Variants in ANK3 observed in about 807,000 individuals in gnomAD.
ANK3 encodes the protein ankyrin-3.
In ANK3, 57 loss-of-function variants were observed where a neutral mutation model predicts 370.9. That is an observed-to-expected ratio of 0.15 (90% CI 0.12 to 0.19). The LOEUF (loss-of-function observed/expected upper bound fraction) is 0.19, where lower values mean the gene tolerates loss of function less well. Ranked by LOEUF, ANK3 falls within the 10% of genes least tolerant of loss-of-function variation. The probability of loss-of-function intolerance (pLI) is 1.00; values close to 1 mark genes in which losing one functional copy is unlikely to be tolerated. For synonymous variants in ANK3, 1,929 were observed against 1,946.3 expected, an observed-to-expected ratio of 0.99 and a Z score of 0.23; for missense variants, 4,439 against 5,302.1, an observed-to-expected ratio of 0.84 and a Z score of 5.06.
At chr10:60,405,319 ATTAATC>A (rs1466052782) in intron 2 of ANK3, among the ~76,000 whole-genome samples, 24 of 152,296 alleles carry the variant, frequency 1.6e-4, no homozygotes, top group Non-Finnish European at 1.3e-4. Context: ...TACTCATACA[ATTAATC>A]TTAAAGAAGG....
intron 2 of ANK3, among the ~76,000 whole-genome samples, chr10:60,424,932 T>C (rs761395795): frequency 6.6e-6 from 1 of 152,078 alleles, no homozygotes; most frequent in Non-Finnish European, 1.5e-5. Flanking sequence ...AAGGCATATA[T>C]GACCCCTAAA....
At chr10:60,555,470 C>T (rs964146315) in intron 2 of ANK3, among the ~76,000 whole-genome samples, 1 of 150,350 alleles carries the variant, frequency 6.7e-6, no homozygotes, top group Admixed American at 6.6e-5. Context: ...GGGACCCTGT[C>T]TCCAAAAATT....
At chr10:60,571,461 C>T (rs1371630920) in intron 2 of ANK3, among the ~76,000 whole-genome samples, 1 of 152,162 alleles carries the variant, frequency 6.6e-6, no homozygotes, top group African/African-American at 2.4e-5. Context: ...TATGTGTCCA[C>T]TGTCTGAGCA....
At chr10:60,317,695 T>C (rs1055234026) in intron 1 of ANK3, among the ~76,000 whole-genome samples, 13 of 150,240 alleles carry the variant, frequency 8.7e-5, no homozygotes, top group Non-Finnish European at 1.6e-4. Flanking sequence ...GCCCCAAACA[T>C]CAACTCATGA....
At chr10:60,158,773 T>G (rs1164904516) in intron 23 of ANK3, among the ~76,000 whole-genome samples, 1 of 146,806 alleles carries the variant, frequency 6.8e-6, no homozygotes, top group Non-Finnish European at 1.5e-5. Context: ...CCTTCCAGGT[T>G]CAAGCAATTC....
At chr10:60,466,715 A>C (rs1481720201) in intron 2 of ANK3, among the ~76,000 whole-genome samples, 1 of 152,202 alleles carries the variant, frequency 6.6e-6, no homozygotes, top group Non-Finnish European at 1.5e-5. Flanking sequence ...TCTCAATGGA[A>C]TATCACTCAG....
At chr10:60,495,573 G>T (rs533466443) in intron 2 of ANK3, among the ~76,000 whole-genome samples, 2 of 152,146 alleles carry the variant, frequency 1.3e-5, no homozygotes, top group African/African-American at 4.8e-5. Context: ...GTGCACAAGG[G>T]GGCTCCAGCA....
chr10:60,400,548 A>C (rs1383309251), intron 2 of ANK3, among the ~76,000 whole-genome samples: 1 of 152,196 alleles, frequency 6.6e-6, no homozygotes, highest in Non-Finnish European at 1.5e-5. Flanking sequence ...TCTTGGGGAT[A>C]AGCAGATCAT....
At chr10:60,534,096 C>A (rs1282961061) in intron 2 of ANK3, among the ~76,000 whole-genome samples, 1 of 152,040 alleles carries the variant, frequency 6.6e-6, no homozygotes, top group Admixed American at 6.6e-5. Context: ...TTAAGAGTCA[C>A]CGCTCCGATA....
rs1294997935 is a variant in ANK3 at position 60,074,520 on chromosome 10, CTTGGTCGTG to C, written c.6352_6360del (p.His2118_Gln2120del). ...CCACTGTCAGACAAGGGACTTTTAT[CTTGGTCGTG>C]TTGAGAAAAGTCATCAGGAGACTCT... On this transcript the variant is annotated inframe_deletion, in exon 37 of 44. Transcript: ENST00000280772. 1 of 1,613,676 alleles carries C rather than the reference CTTGGTCGTG, an allele frequency of 6.2e-7. No individual in the cohort carries two copies. Among genetic ancestry groups the C allele is most frequent in the South Asian group, 1.1e-5 (1 of 90,970 alleles).
intron 1 of ANK3, among the ~76,000 whole-genome samples, chr10:60,378,300 T>C (rs2061082240): frequency 6.6e-6 from 1 of 152,206 alleles, no homozygotes; most frequent in African/African-American, 2.4e-5. Flanking sequence ...AATTAGTCTG[T>C]TTTAAAGCCC....
intron 25 of ANK3, among the ~76,000 whole-genome samples, chr10:60,132,730 C>T (rs1440946239): frequency 7.2e-5 from 11 of 152,116 alleles, no homozygotes; most frequent in Middle Eastern, 3.4e-3. Flanking sequence ...AATTCTCCTG[C>T]CTCAGCCTCC....
chr10:60,729,475 A>T (rs2079990134), intron 1 of ANK3, among the ~76,000 whole-genome samples: 1 of 152,226 alleles, frequency 6.6e-6, no homozygotes, highest in Admixed American at 6.5e-5. Flanking sequence ...TTAATTCAAC[A>T]ATGGCATTCA....
intron 7 of ANK3, among the ~76,000 whole-genome samples, chr10:60,255,909 T>G (rs1342648944): frequency 6.6e-6 from 1 of 152,124 alleles, no homozygotes; most frequent in Non-Finnish European, 1.5e-5. Flanking sequence ...CCAGAGGTGG[T>G]TAAGAGGCCT....
At chr10:60,450,482 A>G (rs778604389) in intron 2 of ANK3, among the ~76,000 whole-genome samples, 1 of 152,150 alleles carries the variant, frequency 6.6e-6, no homozygotes, top group East Asian at 1.9e-4. Context: ...AAAAATTTCA[A>G]CTTACAGGAA....
chr10:60,336,283 C>T (rs1222886231), intron 1 of ANK3, among the ~76,000 whole-genome samples: 1 of 152,060 alleles, frequency 6.6e-6, no homozygotes, highest in African/African-American at 2.4e-5. Flanking sequence ...AATGTGAAAA[C>T]TCTTGAGAAG....
Position 60,469,094 on chromosome 10 carries a change from T to TATATAC in ANK3, c.96+146091_96+146092insGTATAT, listed in dbSNP as rs1419316441. On this transcript the variant is annotated intron_variant, in intron 2 of 43. Transcript: ENST00000373827. ...ATATATATATATATATATATATATA[T>TATATAC]ACCACTTTTAGTATATATATATATA... Among the ~76,000 whole-genome samples, 15 of 37,996 alleles carry TATATAC rather than the reference T, an allele frequency of 3.9e-4. 1 individual carries two copies. Among genetic ancestry groups the TATATAC allele is most frequent in the Non-Finnish European group, 6.7e-4 (13 of 19,390 alleles). 24.9% of individuals were successfully genotyped at this position (37,996 alleles called of 152,430 possible). A position where few individuals can be genotyped will look rare whatever the true frequency, so the allele number is the denominator to read the frequency against.
chr10:60,051,861 T>C (rs550369379), intron 42 of ANK3, among the ~76,000 whole-genome samples: 2 of 152,066 alleles, frequency 1.3e-5, no homozygotes, highest in East Asian at 1.9e-4. Flanking sequence ...TGGAGACTTT[T>C]TGGCAGCAGA....
chr10:60,374,988 G>A (rs930790964), intron 1 of ANK3, among the ~76,000 whole-genome samples: 4 of 152,090 alleles, frequency 2.6e-5, no homozygotes, highest in African/African-American at 9.7e-5. Flanking sequence ...GGAAAAAAGG[G>A]AAGAGAAACA....
Sources: gnomAD v4.1 joint callset for allele counts (sites outside exome capture counted in the v4.1 genomes callset) on GRCh38, gnomAD v4.1.1 for gene constraint, MANE v1.5 for transcripts, NCBI Gene and HGNC (gene_info 2026-07-23, HGNC 2026-07-21) for gene names.